Variants in TXNRD3 observed in about 807,000 individuals in gnomAD.
The protein encoded by TXNRD3 is thioredoxin reductase 3.
TXNRD3 carries 68 observed loss-of-function variants against 78.2 expected under a neutral mutation model. The ratio of observed to expected loss-of-function variants is 0.87; its 90% CI spans 0.72 to 1.06. The LOEUF is 1.06. Among genes scored for constraint, TXNRD3 ranks in the 50% least tolerant of loss-of-function variants. The pLI is 0.00. For missense variants in TXNRD3, 751 were observed against 809.5 expected (o/e 0.93, Z 0.88); for synonymous variants, 296 against 300.1 (o/e 0.99, Z 0.14).
At chr3:126,644,274 G>C in intron 4 of TXNRD3, 23 bp downstream of exon 4, 1 of 1,518,262 alleles carries the variant, frequency 6.6e-7, no homozygotes, top group South Asian at 1.2e-5. Flanking sequence ...AATTATCTAC[G>C]AGTTTCATTT....
chr3:126,635,055 A>G (rs1938822345), intron 6 of TXNRD3, among the ~76,000 whole-genome samples: 1 of 151,916 alleles, frequency 6.6e-6, no homozygotes, highest in African/African-American at 2.4e-5. Context: ...TCATCCTCCC[A>G]CACCCTGTGA....
At chr3:126,609,760 C>G (rs991372033) in intron 14 of TXNRD3, among the ~76,000 whole-genome samples, 15 of 152,142 alleles carry the variant, frequency 9.9e-5, no homozygotes, top group African/African-American at 3.6e-4. Flanking sequence ...ACGGGGCTGA[C>G]AGCCACAGAG....
At chr3:126,608,684 A>T in intron 14 of TXNRD3, 51 bp from the exon 15 acceptor site, 1 of 1,498,174 alleles carries the variant, frequency 6.7e-7, no homozygotes, top group East Asian at 2.5e-5. Flanking sequence ...AATGGTCTGA[A>T]TATGGATCCA....
chr3:126,642,517 C>T (rs563383870), intron 5 of TXNRD3, among the ~76,000 whole-genome samples: 20 of 152,242 alleles, frequency 1.3e-4, no homozygotes, highest in African/African-American at 4.8e-5. Context: ...CTCGGAGCCA[C>T]GTTGTCAACT....
chr3:126,640,512 G>A (rs962167469), intron 6 of TXNRD3, among the ~76,000 whole-genome samples: 1 of 151,928 alleles, frequency 6.6e-6, no homozygotes, highest in Admixed American at 6.6e-5. Flanking sequence ...TGACCTGGAT[G>A]CCCTGTCATA....
intron 10 of TXNRD3, among the ~76,000 whole-genome samples, chr3:126,628,627 C>T (rs1938635415): frequency 6.6e-6 from 1 of 151,978 alleles, no homozygotes; most frequent in African/African-American, 2.4e-5. Context: ...TATTCTTGAT[C>T]TCTAAGGAGA....
At chr3:126,637,816 C>A (rs1424441040) in intron 6 of TXNRD3, among the ~76,000 whole-genome samples, 2 of 151,534 alleles carry the variant, frequency 1.3e-5, no homozygotes, top group South Asian at 2.1e-4. Flanking sequence ...TTCTTTACTA[C>A]CTTCTCTTTG....
At chr3:126,640,100 T>TCCCCCCCAGTCTCTCTTCCTGTATTC (rs1165209807) in intron 6 of TXNRD3, among the ~76,000 whole-genome samples, 61 of 5,934 alleles carry the variant, frequency 0.01, 14 homozygotes, top group Non-Finnish European at 0.05. Flanking sequence ...TTTTCTTTTT[T>TCCCCCCCAGTCTCTCTTCCTGTATTC]TTTTTTTTTT....
intron 12 of TXNRD3, among the ~76,000 whole-genome samples, chr3:126,618,723 A>G (rs1938371881): frequency 6.6e-6 from 1 of 152,160 alleles, no homozygotes. Flanking sequence ...GACGGTATCA[A>G]ACTAAAAAGC....
chr3:126,642,576 G>A (rs1235423419), intron 5 of TXNRD3, among the ~76,000 whole-genome samples: 1 of 152,202 alleles, frequency 6.6e-6, no homozygotes, highest in Non-Finnish European at 1.5e-5. Flanking sequence ...ACACAAAATG[G>A]ATTACGCAAA....
Position 126,631,616 on chromosome 3 carries a change from T to A in TXNRD3, c.971+148A>T. 3 of 587,626 alleles carry A rather than the reference T, an allele frequency of 5.1e-6. No homozygotes were observed. The South Asian group carries it at 7.1e-5, about 14-fold the overall frequency. 36.4% of individuals were successfully genotyped at this position (587,626 alleles called of 1,614,324 possible). A position where few individuals can be genotyped will look rare whatever the true frequency, so the allele number is the denominator to read the frequency against. ...CCTGACCTTATATTCTCTGTTTCAT[T>A]ACTTTTAACTATTTAGCTTCTTGCA... On this transcript the variant is annotated intron_variant, in intron 8 of 15. Coordinates refer to ENST00000524230, the MANE Select transcript of TXNRD3 (RefSeq NM_052883.3).
chr3:126,626,372 C>T (rs187167875), intron 10 of TXNRD3, among the ~76,000 whole-genome samples: 1 of 152,056 alleles, frequency 6.6e-6, no homozygotes, highest in African/African-American at 2.4e-5. Context: ...AAGTCACAGA[C>T]GTGAAGAAAA....
At chr3:126,650,974 G>A (rs899041831) in intron 1 of TXNRD3, among the ~76,000 whole-genome samples, 2 of 152,134 alleles carry the variant, frequency 1.3e-5, no homozygotes, top group African/African-American at 2.4e-5. Flanking sequence ...GACTATGAGC[G>A]TATGGGAGGC....
rs1188228898 is a variant in TXNRD3, at chr3:126,607,864, A to T, written c.*41T>A. On this transcript the variant is annotated 3_prime_UTR_variant, in exon 16 of 16. Transcript: ENST00000524230. ...ATCCGAGAGCATTCTTATCTTTGAGAGAAATGAGAATATGACAAGGAGAAC... is the reference window on the plus strand; with the variant it reads ...ATCCGAGAGCATTCTTATCTTTGAGTGAAATGAGAATATGACAAGGAGAAC... 11 of 1,449,190 alleles carry T rather than the reference A, an allele frequency of 7.6e-6. No homozygotes were observed. The allele number at this position is 1,449,190 out of a possible 1,614,324, so 89.8% of individuals were successfully genotyped here. A position where few individuals can be genotyped will look rare whatever the true frequency, so the allele number is the denominator to read the frequency against.
In TXNRD3 at chr3:126,622,353, TATAAG is replaced by T. The variant is rs1468362697; in HGVS notation, c.1367+106_1367+110del. On this transcript the variant is annotated intron_variant, in intron 11 of 15. Transcript: ENST00000524230. ...GATTATAAAGAGCTGGCACTGAACT[TATAAG>T]ATAAATTAAGACATATCTCAGTAAT... 18 of 730,852 alleles carry T rather than the reference TATAAG, an allele frequency of 2.5e-5. No individual in the cohort carries two copies. In the East Asian group the frequency reaches 5.2e-4, roughly 21 times the overall value. 45.3% of individuals were successfully genotyped at this position (730,852 alleles called of 1,614,324 possible).
intron 6 of TXNRD3, among the ~76,000 whole-genome samples, chr3:126,635,906 A>AAC (rs1938849075): frequency 1.3e-5 from 2 of 151,980 alleles, no homozygotes; most frequent in African/African-American, 2.4e-5. Context: ...TATACACATA[A>AAC]ACACACACAC....
intron 12 of TXNRD3, among the ~76,000 whole-genome samples, chr3:126,619,623 G>A (rs561509998): frequency 1.2e-3 from 186 of 152,244 alleles, no homozygotes; most frequent in Admixed American, 2.5e-3. Context: ...CTAAACAGGA[G>A]GAGTTAAGTC....
intron 6 of TXNRD3, among the ~76,000 whole-genome samples, chr3:126,637,009 G>A (rs1023700422): frequency 6.6e-6 from 1 of 151,918 alleles, no homozygotes; most frequent in South Asian, 2.1e-4. Context: ...TGTGGCCGAG[G>A]GAAGTCAAAA....
Position 126,612,309 on chromosome 3 carries a change from A to G in TXNRD3, c.1633-1177T>C, listed in dbSNP as rs566386771. Among the ~76,000 whole-genome samples, 18 of 152,286 alleles carry G rather than the reference A, an allele frequency of 1.2e-4. 1 individual carries two copies. In the South Asian group the frequency reaches 3.7e-3, roughly 32 times the overall value. ...TGCCTCAGCCTCCCAAAATGCTGGT[A>G]TTACAGGTGTGAGCCACCAGCCCCC... On this transcript the variant is annotated intron_variant, in intron 13 of 15. Coordinates refer to ENST00000524230, the MANE Select transcript of TXNRD3 (RefSeq NM_052883.3).
Sources: allele counts gnomAD v4.1 joint callset (sites outside exome capture counted in the v4.1 genomes callset), GRCh38; gene constraint gnomAD v4.1.1; transcripts MANE v1.5; gene names NCBI Gene and HGNC (gene_info 2026-07-23, HGNC 2026-07-21).